The following NECAB1 variants were observed in gnomAD, a reference collection of about 807,000 sequenced individuals.
NECAB1 encodes N-terminal EF-hand calcium binding protein 1.
Under a neutral mutation model 57.5 loss-of-function variants are expected in NECAB1, and 29 were observed. The ratio of observed to expected loss-of-function variants is 0.50; its 90% CI spans 0.38 to 0.69. NECAB1 has a LOEUF of 0.69. Among genes scored for constraint, NECAB1 ranks in the 30% least tolerant of loss-of-function variants. NECAB1 has a pLI of 0.00. For synonymous variants in NECAB1, 142 were observed against 147.7 expected, an observed-to-expected ratio of 0.96 and a Z score of 0.28; for missense variants, 372 against 413.8, an observed-to-expected ratio of 0.90 and a Z score of 0.88.
intron 2 of NECAB1, among the ~76,000 whole-genome samples, chr8:90,802,289 C>T (rs1038252156): frequency 3.3e-5 from 5 of 152,210 alleles, no homozygotes; most frequent in Non-Finnish European, 5.9e-5. Context: ...TAATCTATAG[C>T]AACAGAGAAG....
chr8:90,824,580 T>C, intron 2 of NECAB1, 137 bp from the exon 3 acceptor site: 1 of 484,790 alleles, frequency 2.1e-6, no homozygotes, highest in Non-Finnish European at 3.7e-6. Context: ...ATTTTTCTTT[T>C]TAACACCTTC....
Position 90,881,074 on chromosome 8 carries a change from G to A in NECAB1, c.301G>A (p.Ala101Thr). The stretch of plus-strand genomic sequence containing the variant: ...CTTGGGCGAGTATGAGAATGTACTA[G>A]CAGCACTTGAAGACCTGAATCTTTC... ...QHLGEYENVL[A>T]ALEDLNLSIL... The change falls in exon 5 of 13, where the codon GCA becomes ACA. Residue 101 changes from alanine to threonine, a missense_variant. Physicochemically the swap from Ala to Thr is moderately conservative, Grantham distance 58 (BLOSUM62 0). Transcript: ENST00000417640. 1 of 1,607,818 alleles carries A rather than the reference G, an allele frequency of 6.2e-7. No homozygotes were observed. Among genetic ancestry groups the A allele is most frequent in the South Asian group, 1.1e-5 (1 of 89,348 alleles).
chr8:90,942,422 C>CA (rs1810693257), intron 10 of NECAB1, among the ~76,000 whole-genome samples: 1 of 152,174 alleles, frequency 6.6e-6, no homozygotes, highest in African/African-American at 2.4e-5. Context: ...AACAAGAACA[C>CA]AGGAAATGCT....
intron 5 of NECAB1, among the ~76,000 whole-genome samples, chr8:90,911,763 A>G (rs1809835945): frequency 6.6e-6 from 1 of 152,166 alleles, no homozygotes; most frequent in South Asian, 2.1e-4. Context: ...TATCACAGCA[A>G]ACAAACCCAG....
chr8:90,935,748 T>A (rs1387344283), intron 9 of NECAB1, among the ~76,000 whole-genome samples: 6 of 152,154 alleles, frequency 3.9e-5, no homozygotes, highest in African/African-American at 1.4e-4. Flanking sequence ...GGAAAAATTG[T>A]CTAAGGATTG....
intron 12 of NECAB1, among the ~76,000 whole-genome samples, chr8:90,953,244 T>C (rs957769536): frequency 6.6e-6 from 1 of 152,112 alleles, no homozygotes; most frequent in African/African-American, 2.4e-5. Context: ...AGGGGGAAAA[T>C]GCTATAGCAA....
chr8:90,937,196 C>T (rs1219769057), intron 9 of NECAB1, among the ~76,000 whole-genome samples: 1 of 152,106 alleles, frequency 6.6e-6, no homozygotes, highest in Non-Finnish European at 1.5e-5. Flanking sequence ...TGGCTAAAAG[C>T]AAAAGCATCT....
At chr8:90,867,533 A>G (rs1354518) in intron 3 of NECAB1, among the ~76,000 whole-genome samples, 63,981 of 151,380 alleles carry the variant, frequency 0.42, 15,469 homozygotes, top group East Asian at 0.77. Context: ...AGAATCCTTT[A>G]CATCTATCTA....
intron 2 of NECAB1, among the ~76,000 whole-genome samples, chr8:90,820,679 CT>C (rs10543377): frequency 0.039 from 5,530 of 142,284 alleles, 274 homozygotes; most frequent in African/African-American, 0.11. Context: ...TTTAAATAGT[CT>C]TTTTTTTTTT....
At chr8:90,908,920 A>G (rs1215833148) in intron 5 of NECAB1, among the ~76,000 whole-genome samples, 1 of 152,032 alleles carries the variant, frequency 6.6e-6, no homozygotes, top group Non-Finnish European at 1.5e-5. Context: ...TTTTCTCTGT[A>G]TTGCATTTCT....
At chr8:90,948,700 CTT>C (rs1297854764) in intron 10 of NECAB1, among the ~76,000 whole-genome samples, 1 of 152,172 alleles carries the variant, frequency 6.6e-6, no homozygotes, top group Non-Finnish European at 1.5e-5. Context: ...GTCTCCCACT[CTT>C]AAGTTTATGA....
chr8:90,944,557 A>G (rs904948744), intron 10 of NECAB1, among the ~76,000 whole-genome samples: 3 of 152,334 alleles, frequency 2.0e-5, no homozygotes, highest in South Asian at 2.1e-4. Context: ...CCAATTGAAT[A>G]TAAGTGGTGT....
intron 8 of NECAB1, among the ~76,000 whole-genome samples, chr8:90,931,717 A>C (rs1170305152): frequency 6.6e-6 from 1 of 152,072 alleles, no homozygotes; most frequent in Non-Finnish European, 1.5e-5. Flanking sequence ...CAGCCTGGCC[A>C]ACATGGCAAA....
At chr8:90,921,600 G>A (rs1279001089) in intron 6 of NECAB1, among the ~76,000 whole-genome samples, 1 of 152,098 alleles carries the variant, frequency 6.6e-6, no homozygotes, top group Non-Finnish European at 1.5e-5. Flanking sequence ...CTTGAACCCA[G>A]GAGGCGGAGG....
chr8:90,950,169 T>C (rs1810896713), intron 11 of NECAB1, among the ~76,000 whole-genome samples: 1 of 152,032 alleles, frequency 6.6e-6, no homozygotes, highest in Non-Finnish European at 1.5e-5. Context: ...TATGAGTGTC[T>C]AAAGCTGGTG....
chr8:90,821,170 C>T (rs1812138632), intron 2 of NECAB1, among the ~76,000 whole-genome samples: 1 of 151,808 alleles, frequency 6.6e-6, no homozygotes, highest in Non-Finnish European at 1.5e-5. Context: ...TACTACTGTG[C>T]ACTAGATGCC....
At chr8:90,866,508 A>C (rs961245263) in intron 3 of NECAB1, among the ~76,000 whole-genome samples, 5 of 152,240 alleles carry the variant, frequency 3.3e-5, no homozygotes, top group African/African-American at 1.2e-4. Context: ...AAGAAGAGAA[A>C]ACTCAGTAAA....
At chr8:90,859,709 C>T (rs980840858) in intron 3 of NECAB1, among the ~76,000 whole-genome samples, 3 of 151,968 alleles carry the variant, frequency 2.0e-5, no homozygotes, top group African/African-American at 7.3e-5. Context: ...TATATTTATC[C>T]AAAAAATCGT....
intron 5 of NECAB1, among the ~76,000 whole-genome samples, chr8:90,883,059 A>G (rs1277470766): frequency 6.6e-6 from 1 of 152,192 alleles, no homozygotes; most frequent in Admixed American, 6.5e-5. Flanking sequence ...TTCCTCAGAA[A>G]TATGCACTAA....
Sources: allele counts gnomAD v4.1 joint callset (sites outside exome capture counted in the v4.1 genomes callset), GRCh38; gene constraint gnomAD v4.1.1; transcripts MANE v1.5; gene names NCBI Gene and HGNC (gene_info 2026-07-23, HGNC 2026-07-21).